Variants in PCDHGA10 observed in about 807,000 individuals in gnomAD.
The protein encoded by PCDHGA10 is protocadherin gamma-A10.
In PCDHGA10, 42 loss-of-function variants were observed where a neutral mutation model predicts 59.5. The ratio of observed to expected loss-of-function variants is 0.71; its 90% CI spans 0.55 to 0.91. The LOEUF (loss-of-function observed/expected upper bound fraction) is 0.91, where lower values mean the gene tolerates loss of function less well. PCDHGA10 is among the 40% of genes least tolerant of loss of function. The pLI is 0.00. For missense variants in PCDHGA10, 1,111 were observed against 1,198.2 expected, an observed-to-expected ratio of 0.93 and a Z score of 1.07; for synonymous variants, 511 against 517.2, an observed-to-expected ratio of 0.99 and a Z score of 0.16.
Position 141,490,121 on chromosome 5 carries a change from G to A in PCDHGA10, c.2437-4686G>A. On this transcript the variant is annotated intron_variant, in intron 1 of 3. Coordinates refer to ENST00000398610, the MANE Select transcript of PCDHGA10 (RefSeq NM_018913.3). The surrounding 1 kb of genome is among the most constrained non-coding windows in gnomAD (Gnocchi z 5.4). Reference sequence around the variant, plus strand: ...TCTGAGGCAGTGCGGAACCTCTTTGGCCTAGACCCTAGCAGTGGGGCAATC... The same window carrying A: ...TCTGAGGCAGTGCGGAACCTCTTTGACCTAGACCCTAGCAGTGGGGCAATC... 1 of 1,614,256 alleles carries A rather than the reference G, an allele frequency of 6.2e-7. No individual in the cohort carries two copies. Among genetic ancestry groups the A allele is most frequent in the Non-Finnish European group, 8.5e-7 (1 of 1,180,052 alleles).
intron 1 of PCDHGA10, chr5:141,422,658 C>T (rs2096662185): frequency 6.2e-7 from 1 of 1,609,912 alleles, no homozygotes; most frequent in Non-Finnish European, 8.5e-7. Context: ...CAGTGACCGC[C>T]CTCGACCCGG....
At chr5:141,453,909 T>C (rs1484310834) in intron 1 of PCDHGA10, among the ~76,000 whole-genome samples, 1 of 152,236 alleles carries the variant, frequency 6.6e-6, no homozygotes, top group Non-Finnish European at 1.5e-5. Flanking sequence ...TTTCAAAGTA[T>C]GTCAGTGATC....
chr5:141,414,287 C>A lies in PCDHGA10; in HGVS notation c.1112C>A (p.Ala371Asp), dbSNP rs374229359. The A allele has an allele frequency of 2.5e-6, 4 of 1,613,316 alleles. No individual in the cohort carries two copies. Among genetic ancestry groups the A allele is most frequent in the Non-Finnish European group, 3.4e-6 (4 of 1,179,710 alleles). Residue 371 changes from alanine (A) to aspartate (D), a missense_variant, in exon 1 of 4, where the codon GCC becomes GAC. Coordinates refer to ENST00000398610, the MANE Select transcript of PCDHGA10 (RefSeq NM_018913.3). ...TEDSPLGTVV[A>D]LLNVHDLDSE... ...GATTCACCTCTGGGAACAGTCGTAG[C>A]CCTTTTAAATGTGCATGATTTAGAC...
At position 141,432,660 on chromosome 5, in the gene PCDHGA10, A is replaced by G; in HGVS notation, c.2436+17049A>G. The G allele has an allele frequency of 6.2e-7, 1 of 1,613,768 alleles. No individual in the cohort carries two copies. Among genetic ancestry groups the G allele is most frequent in the African/African-American group, 1.3e-5 (1 of 75,026 alleles). ...GTGCGCACGGCGCGAGCCCTGCTGG[A>G]CAGAGACGCGCTCAAGCAGAGCCTC... On this transcript the variant is annotated intron_variant, in intron 1 of 3. Coordinates refer to ENST00000398610, the MANE Select transcript of PCDHGA10 (RefSeq NM_018913.3). The surrounding 1 kb of genome is among the most constrained non-coding windows in gnomAD (Gnocchi z 6.0).
At position 141,454,796 on chromosome 5, in the gene PCDHGA10, A is replaced by ATT. The variant is rs61612330; in HGVS notation, c.2436+39213_2436+39214dup. On this transcript the variant is annotated intron_variant, in intron 1 of 3. Coordinates refer to ENST00000398610, the MANE Select transcript of PCDHGA10 (RefSeq NM_018913.3). Reference sequence around the variant, plus strand: ...AAGGAAATAATCCTCCATGGTTCTAATTTTTTTTTTTTTTTTTTTTTTTTT... The same window carrying ATT: ...AAGGAAATAATCCTCCATGGTTCTAATTTTTTTTTTTTTTTTTTTTTTTTTTT... 6.7e-3 allele frequency among the ~76,000 whole-genome samples: 521 copies of ATT among 77,456 alleles called. 71 individuals are homozygous for ATT. The highest frequency in any genetic ancestry group is 0.017 in the Middle Eastern group (2 of 120). The allele number at this position is 77,456 out of a possible 152,430, so 50.8% of individuals were successfully genotyped here.
intron 2 of PCDHGA10, among the ~76,000 whole-genome samples, chr5:141,503,568 C>T (rs1357099545): frequency 6.9e-6 from 1 of 144,390 alleles, no homozygotes; most frequent in Non-Finnish European, 1.5e-5. Context: ...CACTGTACTC[C>T]AGCCTGGGTG....
Position 141,431,581 on chromosome 5 carries a change from T to C in PCDHGA10, c.2436+15970T>C. The C allele has an allele frequency of 1.2e-6, 2 of 1,614,160 alleles. No individual in the cohort carries two copies. Among genetic ancestry groups the C allele is most frequent in the Non-Finnish European group, 1.7e-6 (2 of 1,180,022 alleles). ...CTACCGACCCTGACGAAGGAGTCAA[T>C]GCGGAAGTGAGGTATTCCTTCCGGT... On this transcript the variant is annotated intron_variant, in intron 1 of 3. Transcript: ENST00000398610. This position sits in a 1 kb window ranked among gnomAD's most constrained non-coding sequence, Gnocchi z 4.8.
Position 141,486,277 on chromosome 5 carries a change from G to A in PCDHGA10, c.2437-8530G>A, listed in dbSNP as rs1156704202. 6.2e-7 allele frequency: 1 copy of A among 1,614,020 alleles called. No individual in the cohort carries two copies. The highest frequency in any genetic ancestry group is 1.1e-5 in the South Asian group (1 of 91,056). ...CCGAGAGTGCAGAACCTGGCACTGT[G>A]GTGGCACTTATCAGTGTGCAGGATC... On this transcript the variant is annotated intron_variant, in intron 1 of 3. Transcript: ENST00000398610. The surrounding 1 kb of genome is among the most constrained non-coding windows in gnomAD (Gnocchi z 5.0).
At chr5:141,446,295 G>A (rs146503397) in intron 1 of PCDHGA10, among the ~76,000 whole-genome samples, 1 of 152,196 alleles carries the variant, frequency 6.6e-6, no homozygotes, top group Non-Finnish European at 1.5e-5. Flanking sequence ...TGGGGAGCAG[G>A]GATTAAGAGT....
intron 1 of PCDHGA10, chr5:141,427,571 G>T (rs1199845374): frequency 9.1e-6 from 6 of 662,944 alleles, no homozygotes; most frequent in Non-Finnish European, 1.7e-5. Context: ...GCAAGCCTCC[G>T]CTCTCATCCA....
intron 1 of PCDHGA10, chr5:141,427,612 T>G (rs975527074): frequency 2.9e-6 from 2 of 691,298 alleles, no homozygotes; most frequent in African/African-American, 1.8e-5. Flanking sequence ...ATTGGTGAAG[T>G]CAACGACAAT....
intron 1 of PCDHGA10, among the ~76,000 whole-genome samples, chr5:141,468,306 C>T (rs1006015063): frequency 9.5e-6 from 1 of 105,260 alleles, no homozygotes; most frequent in African/African-American, 3.7e-5. Context: ...GCCTGGGCAA[C>T]AAGAGCAACG....
rs1208876851 is a variant in PCDHGA10 at position 141,415,602 on chromosome 5, A to G, written c.2427A>G (p.Pro809=). 1.2e-6 allele frequency: 2 copies of G among 1,613,602 alleles called. No individual in the cohort carries two copies. Among genetic ancestry groups the G allele is most frequent in the African/African-American group, 2.7e-5 (2 of 74,790 alleles). ...CGAAGTTTCCTATAGAGGATACCCC[A>G]TTGGTTCCAGTGAGTTTTATTTTCA... ...DDSKFPIEDT[P]LVPQAPPNTD... is the part of the protein sequence containing the mutation. The change falls in exon 1 of 4, where the codon CCA becomes CCG. Residue 809 remains proline, a synonymous_variant. Transcript: ENST00000398610.
chr5:141,435,745 A>T (rs2097777848), intron 1 of PCDHGA10, among the ~76,000 whole-genome samples: 1 of 152,184 alleles, frequency 6.6e-6, no homozygotes, highest in African/African-American at 2.4e-5. Context: ...TTTGAAAAGC[A>T]TTGCTTGATT....
rs1224515106 is a variant in PCDHGA10 at position 141,491,453 on chromosome 5, C to T, written c.2437-3354C>T. On this transcript the variant is annotated intron_variant, in intron 1 of 3. Transcript: ENST00000398610. The surrounding 1 kb of genome is among the most constrained non-coding windows in gnomAD (Gnocchi z 6.9). ...TGCTGCAGGCGCCAGGACTCACCCT[C>T]CCCGGACTTCTATAAGCAGTCCAGC... The T allele has an allele frequency of 6.2e-6, 10 of 1,614,120 alleles. No homozygotes were observed. The highest frequency in any genetic ancestry group is 8.5e-6 in the Non-Finnish European group (10 of 1,180,028).
chr5:141,444,044 T>C (rs188266846), intron 1 of PCDHGA10, among the ~76,000 whole-genome samples: 1 of 152,098 alleles, frequency 6.6e-6, no homozygotes, highest in East Asian at 1.9e-4. Flanking sequence ...ATCAGATAAT[T>C]TGGCATCTTC....
chr5:141,455,753 G>T (rs2098830630), intron 1 of PCDHGA10, among the ~76,000 whole-genome samples: 1 of 152,074 alleles, frequency 6.6e-6, no homozygotes, highest in Non-Finnish European at 1.5e-5. Flanking sequence ...TGCTGGCCTG[G>T]CTCCTAGAGC....
At chr5:141,496,892 A>AG (rs1372616572) in intron 2 of PCDHGA10, among the ~76,000 whole-genome samples, 1 of 151,766 alleles carries the variant, frequency 6.6e-6, no homozygotes, top group Non-Finnish European at 1.5e-5. Flanking sequence ...AACACTTAAA[A>AG]AAAAAAAAAA....
intron 1 of PCDHGA10, among the ~76,000 whole-genome samples, chr5:141,457,387 T>A (rs530736201): frequency 2.0e-5 from 3 of 152,340 alleles, no homozygotes; most frequent in Non-Finnish European, 2.9e-5. Context: ...AGAACTAGCA[T>A]ATTGATTCAC....
Sources: gnomAD v4.1 joint callset for allele counts (sites outside exome capture counted in the v4.1 genomes callset) on GRCh38, gnomAD v4.1.1 for gene constraint, Gnocchi (gnomAD v3.1) non-coding constraint, MANE v1.5 for transcripts, NCBI Gene and HGNC (gene_info 2026-07-23, HGNC 2026-07-21) for gene names.